Variants in KDM2B observed in about 807,000 individuals in gnomAD.
KDM2B encodes the protein lysine-specific demethylase 2B.
Under a neutral mutation model 150.0 loss-of-function variants are expected in KDM2B, and 26 were observed. The observed-to-expected ratio is 0.17, with a 90% CI of 0.13 to 0.24. The LOEUF (loss-of-function observed/expected upper bound fraction) is 0.24, where lower values mean the gene tolerates loss of function less well. Ranked by LOEUF, KDM2B falls within the 10% of genes least tolerant of loss-of-function variation. The pLI, the probability that KDM2B is intolerant of heterozygous loss-of-function variation, is 1.00. For missense variants in KDM2B, 1,265 were observed against 1,816.9 expected (o/e 0.70, Z 5.52); for synonymous variants, 734 against 729.5 (o/e 1.01, Z -0.10).
At chr12:121,473,251 G>A (rs1348217309) in intron 12 of KDM2B, among the ~76,000 whole-genome samples, 1 of 151,998 alleles carries the variant, frequency 6.6e-6, no homozygotes, top group African/African-American at 2.4e-5. Context: ...AATTAGCCGG[G>A]TGTGATGGTG....
chr12:121,492,711 C>T (rs1330222744), intron 12 of KDM2B, among the ~76,000 whole-genome samples: 1 of 151,338 alleles, frequency 6.6e-6, no homozygotes, highest in Non-Finnish European at 1.5e-5. Flanking sequence ...TGCCTGTAAT[C>T]CCAGCTACTC....
At position 121,542,840 on chromosome 12, in the gene KDM2B, G is replaced by C. The variant is rs188816919; in HGVS notation, c.683+6037C>G. On this transcript the variant is annotated intron_variant, in intron 6 of 22. Coordinates refer to ENST00000377071, the MANE Select transcript of KDM2B (RefSeq NM_032590.5). ...AAATTATTCCCTCATTGGCTTTCCT[G>C]TCTCTTTTTTCCCACCACAATGTAT... Among the ~76,000 whole-genome samples, 146 of 150,916 alleles carry C rather than the reference G, an allele frequency of 9.7e-4. 1 individual carries two copies. Among genetic ancestry groups the C allele is most frequent in the African/African-American group, 2.9e-3 (115 of 40,276 alleles).
chr12:121,479,448 C>T (rs2139968557), intron 12 of KDM2B, among the ~76,000 whole-genome samples: 1 of 133,946 alleles, frequency 7.5e-6, no homozygotes, highest in African/African-American at 3.0e-5. Flanking sequence ...GCCTGGGCGA[C>T]AGAGCGAGAC....
chr12:121,427,051 C>T (rs1872543166), downstream of KDM2B, among the ~76,000 whole-genome samples: 1 of 152,314 alleles, frequency 6.6e-6, no homozygotes. Context: ...GCCATGGTGT[C>T]TTCCTTTGTA....
At chr12:121,579,493 G>GCCCCC in intron 1 of KDM2B, 4 of 632,492 alleles carry the variant, frequency 6.3e-6, no homozygotes, top group South Asian at 1.5e-5. Flanking sequence ...GACCCCAGCC[G>GCCCCC]CCCCCGCCGC....
chr12:121,412,228 A>ATTT, the KDM2B span, among the ~76,000 whole-genome samples: 2 of 124,950 alleles, frequency 1.6e-5, no homozygotes, highest in African/African-American at 6.7e-5. Context: ...TGCCCAACTA[A>ATTT]TCTTTTTTTT....
At chr12:121,499,042 G>A (rs990826763) in intron 11 of KDM2B, among the ~76,000 whole-genome samples, 88 of 151,552 alleles carry the variant, frequency 5.8e-4, no homozygotes, top group African/African-American at 1.9e-3. Flanking sequence ...AATTCCTACG[G>A]TCAACTGATC....
At chr12:121,528,292 C>T (rs1286349087) in intron 8 of KDM2B, among the ~76,000 whole-genome samples, 1 of 152,230 alleles carries the variant, frequency 6.6e-6, no homozygotes. Context: ...GGCGCTATGG[C>T]TTATGCCTGT....
rs889467912 is a variant in KDM2B at position 121,430,201 on chromosome 12, C to T, written c.*87G>A. ...AATTGCGTTGTGGTCTGTTGTCCCA[C>T]GTTCCAAATGGAAAATAAAAGCCCT... On this transcript the variant is annotated 3_prime_UTR_variant, in exon 23 of 23. Transcript: ENST00000377071. The surrounding 1 kb of genome is among the most constrained non-coding windows in gnomAD (Gnocchi z 4.4). 28 of 1,614,074 alleles carry T rather than the reference C, an allele frequency of 1.7e-5. No homozygotes were observed. The highest frequency in any genetic ancestry group is 5.0e-5 in the Admixed American group (3 of 60,006).
At chr12:121,553,021 A>T (rs1555312065) in intron 4 of KDM2B, among the ~76,000 whole-genome samples, 27 of 152,058 alleles carry the variant, frequency 1.8e-4, no homozygotes, top group Non-Finnish European at 5.9e-5. Context: ...TCATGAGGTC[A>T]GGAGATTGAG....
intron 11 of KDM2B, among the ~76,000 whole-genome samples, chr12:121,508,231 C>T (rs1486027308): frequency 6.6e-6 from 1 of 152,002 alleles, no homozygotes; most frequent in Admixed American, 6.6e-5. Context: ...GGACTACAGG[C>T]ACAGGCCACT....
rs1202086229 is a variant in KDM2B, at chr12:121,520,833, G to A, written c.1047+152C>T. ...GGCATTCCCCTGCCCCCCCTCCCCC[G>A]CCACAGAACCAGGACTGAAGCCAGC... On this transcript the variant is annotated intron_variant, in intron 9 of 22. Transcript: ENST00000377071. This position sits in a 1 kb window ranked among gnomAD's most constrained non-coding sequence, Gnocchi z 4.5. 2.4e-5 allele frequency: 5 copies of A among 205,732 alleles called. No individual in the cohort carries two copies. The highest frequency in any genetic ancestry group is 5.5e-5 in the South Asian group (1 of 18,172). 12.7% of individuals were successfully genotyped at this position (205,732 alleles called of 1,614,324 possible). A position where few individuals can be genotyped will look rare whatever the true frequency, so the allele number is the denominator to read the frequency against.
chr12:121,560,095 G>A (rs1363556099), intron 4 of KDM2B, among the ~76,000 whole-genome samples: 1 of 152,108 alleles, frequency 6.6e-6, no homozygotes, highest in Non-Finnish European at 1.5e-5. Context: ...GCCTCGACCT[G>A]TTGGGCTCAA....
chr12:121,413,415 C>CTTTTTTTTTTTTTTT, the KDM2B span, among the ~76,000 whole-genome samples: 10 of 130,690 alleles, frequency 7.7e-5, no homozygotes, highest in African/African-American at 1.9e-4. Flanking sequence ...TTTACCTGTC[C>CTTTTTTTTTTTTTTT]TTTTTTTTTT....
At chr12:121,445,185 A>G in intron 14 of KDM2B, 90 bp downstream of exon 14, 1 of 1,474,206 alleles carries the variant, frequency 6.8e-7, no homozygotes, top group Non-Finnish European at 9.2e-7. Context: ...AATTCACTGC[A>G]CGACCTGCAT....
Position 121,467,109 on chromosome 12 carries a change from G to T in KDM2B, c.1735-13765C>A. ...CCTCGGCGCGTCAGACAGGCGGTCG[G>T]GAGGTCGTGCGGCGGGTCCCTCCCT... On this transcript the variant is annotated intron_variant, in intron 12 of 22. Transcript: ENST00000377071. The surrounding 1 kb of genome is among the most constrained non-coding windows in gnomAD (Gnocchi z 5.1). 1 of 1,074,706 alleles carries T rather than the reference G, an allele frequency of 9.3e-7. No individual in the cohort carries two copies. Among genetic ancestry groups the T allele is most frequent in the Non-Finnish European group, 1.2e-6 (1 of 858,344 alleles). 66.6% of individuals were successfully genotyped at this position (1,074,706 alleles called of 1,614,324 possible).
rs189679886 is a variant in KDM2B at position 121,534,078 on chromosome 12, A to G, written c.777+419T>C. Among the ~76,000 whole-genome samples the G allele has an allele frequency of 1.3e-3, 197 of 152,254 alleles. 2 individuals are homozygous for G. The highest frequency in any genetic ancestry group is 3.4e-3 in the Middle Eastern group (1 of 294). On this transcript the variant is annotated intron_variant, in intron 7 of 22. Coordinates refer to ENST00000377071, the MANE Select transcript of KDM2B (RefSeq NM_032590.5). ...ATTTTTTAAAAAAAAAGCCGGGCAC[A>G]GTGGCTCACGCCTCTAATCCCAGCA...
chr12:121,453,606 C>A lies in KDM2B; in HGVS notation c.1735-262G>T, dbSNP rs1309756455. Among the ~76,000 whole-genome samples the A allele has an allele frequency of 6.6e-6, 1 of 152,146 alleles. No individual in the cohort carries two copies. The highest frequency in any genetic ancestry group is 1.5e-5 in the Non-Finnish European group (1 of 68,030). Reference sequence around the variant, plus strand: ...GAACTTTTGGACACAGAGACAGACACGCACGTAGAGAACGTGTGTGAAGAC... The same window carrying A: ...GAACTTTTGGACACAGAGACAGACAAGCACGTAGAGAACGTGTGTGAAGAC... On this transcript the variant is annotated intron_variant, in intron 12 of 22. Transcript: ENST00000377071. The surrounding 1 kb of genome is among the most constrained non-coding windows in gnomAD (Gnocchi z 6.4).
intron 11 of KDM2B, among the ~76,000 whole-genome samples, chr12:121,499,629 G>A (rs1884324983): frequency 6.6e-6 from 1 of 151,884 alleles, no homozygotes; most frequent in Admixed American, 6.6e-5. Context: ...TCCAACCTGG[G>A]CAAAAGTAGG....
Sources: gnomAD v4.1 joint callset for allele counts (sites outside exome capture counted in the v4.1 genomes callset) on GRCh38, gnomAD v4.1.1 for gene constraint, Gnocchi (gnomAD v3.1) non-coding constraint, MANE v1.5 for transcripts, NCBI Gene and HGNC (gene_info 2026-07-23, HGNC 2026-07-21) for gene names.